Variants in UBE2R2 observed in about 807,000 individuals in gnomAD.
UBE2R2 encodes the protein ubiquitin conjugating enzyme E2 R2, also known as ubiquitin-conjugating enzyme E2 R2.
Under a neutral mutation model 27.8 loss-of-function variants are expected in UBE2R2, and 1 was observed. The observed-to-expected ratio is 0.04, with a 90% CI of 0.01 to 0.17. The LOEUF is 0.17. UBE2R2 is among the 10% of genes least tolerant of loss of function. The pLI is 1.00. For missense variants in UBE2R2, 100 were observed against 291.0 expected (o/e 0.34, Z 4.78); for synonymous variants, 106 against 113.3 (o/e 0.94, Z 0.41).
At chr9:33,904,944 T>A (rs1227833091) in intron 3 of UBE2R2, among the ~76,000 whole-genome samples, 1 of 152,114 alleles carries the variant, frequency 6.6e-6, no homozygotes, top group Admixed American at 6.6e-5. Context: ...CTCTTCCTGA[T>A]GGAGGAAACA....
chr9:33,882,484 C>T (rs1821750725), intron 1 of UBE2R2, among the ~76,000 whole-genome samples: 1 of 152,082 alleles, frequency 6.6e-6, no homozygotes, highest in African/African-American at 2.4e-5. Context: ...GGGGTTTCAC[C>T]ATCTTGGCCA....
At chr9:33,860,477 G>A (rs938694503) in intron 1 of UBE2R2, among the ~76,000 whole-genome samples, 7 of 152,172 alleles carry the variant, frequency 4.6e-5, no homozygotes, top group African/African-American at 1.7e-4. Flanking sequence ...GAATTCTTGT[G>A]TGCTTGAAAT....
At chr9:33,860,120 A>T (rs907603223) in intron 1 of UBE2R2, among the ~76,000 whole-genome samples, 68 of 147,244 alleles carry the variant, frequency 4.6e-4, no homozygotes, top group Middle Eastern at 3.4e-3. Flanking sequence ...TTTTTTTTTT[A>T]AAAAAATAGC....
intron 2 of UBE2R2, among the ~76,000 whole-genome samples, chr9:33,890,858 T>C (rs1231268570): frequency 1.3e-5 from 2 of 152,040 alleles, no homozygotes; most frequent in Non-Finnish European, 2.9e-5. Context: ...TATTTAGGAA[T>C]TAAATTTGAT....
rs531717866 is a variant in UBE2R2 at position 33,896,450 on chromosome 9, T to C, written c.265-3724T>C. Among the ~76,000 whole-genome samples the C allele has an allele frequency of 4.2e-3, 604 of 143,578 alleles. 3 individuals carry two copies. Among genetic ancestry groups the C allele is most frequent in the African/African-American group, 0.015 (584 of 39,686 alleles). 94.2% of individuals were successfully genotyped at this position (143,578 alleles called of 152,430 possible). A position where few individuals can be genotyped will look rare whatever the true frequency, so the allele number is the denominator to read the frequency against. On this transcript the variant is annotated intron_variant, in intron 2 of 4. Coordinates refer to ENST00000263228, the MANE Select transcript of UBE2R2 (RefSeq NM_017811.4). ...TGATGTTAGCTGTGGGTTTTTTTGGTTTTTTTTTTTTAGATGGAGTCTTAC... is the reference window on the plus strand; with the variant it reads ...TGATGTTAGCTGTGGGTTTTTTTGGCTTTTTTTTTTTAGATGGAGTCTTAC...
chr9:33,886,436 C>A (rs1338262303), intron 1 of UBE2R2, among the ~76,000 whole-genome samples: 1 of 152,076 alleles, frequency 6.6e-6, no homozygotes, highest in Non-Finnish European at 1.5e-5. Flanking sequence ...GCAGGTGGAT[C>A]ACAAGGTCAA....
chr9:33,837,351 C>T (rs1244279135), intron 1 of UBE2R2, among the ~76,000 whole-genome samples: 3 of 150,974 alleles, frequency 2.0e-5, no homozygotes, highest in African/African-American at 4.9e-5. Context: ...CGACCATGCA[C>T]AGTGCTGTGA....
At chr9:33,895,496 T>A (rs1822080084) in intron 2 of UBE2R2, among the ~76,000 whole-genome samples, 1 of 152,158 alleles carries the variant, frequency 6.6e-6, no homozygotes, top group Admixed American at 6.6e-5. Context: ...ATCCTCCAAC[T>A]TTTGCTTTTT....
intron 1 of UBE2R2, among the ~76,000 whole-genome samples, chr9:33,818,294 C>A (rs913455426): frequency 2.7e-5 from 4 of 150,850 alleles, no homozygotes; most frequent in Non-Finnish European, 4.4e-5. Context: ...GTCGGAACCC[C>A]TCCCTGCGCA....
At chr9:33,820,840 G>C (rs769897266) in intron 1 of UBE2R2, among the ~76,000 whole-genome samples, 1 of 152,120 alleles carries the variant, frequency 6.6e-6, no homozygotes, top group Non-Finnish European at 1.5e-5. Context: ...GTTGGCTCTT[G>C]TCTCTTACCC....
chr9:33,885,934 A>G (rs910661363), intron 1 of UBE2R2, among the ~76,000 whole-genome samples: 2 of 152,220 alleles, frequency 1.3e-5, no homozygotes, highest in Non-Finnish European at 2.9e-5. Context: ...GAAACAACCC[A>G]AATGCCCAAA....
At chr9:33,899,028 C>T (rs1054371128) in intron 2 of UBE2R2, among the ~76,000 whole-genome samples, 9 of 151,946 alleles carry the variant, frequency 5.9e-5, no homozygotes, top group South Asian at 2.1e-4. Context: ...ACATTTGCTG[C>T]GAGGCATATT....
At chr9:33,854,876 C>A (rs377662819) in intron 1 of UBE2R2, among the ~76,000 whole-genome samples, 4 of 151,866 alleles carry the variant, frequency 2.6e-5, no homozygotes, top group South Asian at 2.1e-4. Context: ...GCACCCACCT[C>A]CACATTTTTT....
At chr9:33,886,635 CAG>C (rs1384418637) in intron 1 of UBE2R2, among the ~76,000 whole-genome samples, 2 of 133,252 alleles carry the variant, frequency 1.5e-5, no homozygotes, top group Non-Finnish European at 3.1e-5. Context: ...AGCCTGCTGA[CAG>C]AGTGAGACTC....
At chr9:33,899,441 C>T (rs1822196775) in intron 2 of UBE2R2, among the ~76,000 whole-genome samples, 1 of 151,868 alleles carries the variant, frequency 6.6e-6, no homozygotes, top group Admixed American at 6.6e-5. Context: ...TTGGCGCGAT[C>T]TTGGCTCCCT....
chr9:33,897,679 C>G (rs377035040), intron 2 of UBE2R2, among the ~76,000 whole-genome samples: 15 of 152,110 alleles, frequency 9.9e-5, no homozygotes, highest in African/African-American at 3.4e-4. Context: ...AAGGAAAGCT[C>G]ATCTCAAAGC....
At chr9:33,829,793 GTT>G (rs36079457) in intron 1 of UBE2R2, among the ~76,000 whole-genome samples, 57 of 97,142 alleles carry the variant, frequency 5.9e-4, no homozygotes, top group East Asian at 3.6e-3. Context: ...TAGTGCAATC[GTT>G]TTTTTTTTTT....
intron 3 of UBE2R2, among the ~76,000 whole-genome samples, chr9:33,902,146 T>A (rs1479086149): frequency 6.6e-6 from 1 of 152,102 alleles, no homozygotes; most frequent in Non-Finnish European, 1.5e-5. Context: ...CTCAAACTAC[T>A]GGGCTCAAGC....
At chr9:33,863,984 G>A (rs975232135) in intron 1 of UBE2R2, among the ~76,000 whole-genome samples, 25 of 151,940 alleles carry the variant, frequency 1.6e-4, no homozygotes, top group African/African-American at 4.1e-4. Context: ...CCATGGCCCC[G>A]TTTAATTTTT....
Sources: allele counts gnomAD v4.1 joint callset (sites outside exome capture counted in the v4.1 genomes callset), GRCh38; gene constraint gnomAD v4.1.1; transcripts MANE v1.5; gene names NCBI Gene and HGNC (gene_info 2026-07-23, HGNC 2026-07-21).